The following LARP4 variants were observed in gnomAD, a reference collection of about 807,000 sequenced individuals.
LARP4 encodes the protein la-related protein 4.
LARP4 carries 29 observed loss-of-function variants against 92.9 expected under a neutral mutation model. That is an observed-to-expected ratio of 0.31 (90% CI 0.23 to 0.43). The LOEUF (loss-of-function observed/expected upper bound fraction) is 0.43, where lower values mean the gene tolerates loss of function less well. Ranked by LOEUF, LARP4 falls within the 20% of genes least tolerant of loss-of-function variation. The pLI, the probability that LARP4 is intolerant of heterozygous loss-of-function variation, is 1.00. For synonymous variants in LARP4, 279 were observed against 284.1 expected (o/e 0.98, Z 0.18); for missense variants, 732 against 860.0 (o/e 0.85, Z 1.86).
intron 3 of LARP4, among the ~76,000 whole-genome samples, 158 bp downstream of exon 3, chr12:50,429,248 C>G (rs1283329232): frequency 6.6e-6 from 1 of 152,084 alleles, no homozygotes; most frequent in Non-Finnish European, 1.5e-5. Flanking sequence ...ACATTGTTTT[C>G]AGATAACATG....
At chr12:50,465,371 CAAAAA>C (rs368980753) in intron 12 of LARP4, among the ~76,000 whole-genome samples, 1 of 112,368 alleles carries the variant, frequency 8.9e-6, no homozygotes, top group Non-Finnish European at 1.7e-5. Context: ...GACTCTGTCT[CAAAAA>C]AAAAAAAAAA....
rs527299254 is a variant in LARP4, at chr12:50,404,318, C to T, written c.18+3290C>T. Among the ~76,000 whole-genome samples the T allele has an allele frequency of 2.3e-3, 349 of 152,298 alleles. 5 individuals carry two copies. Among genetic ancestry groups the T allele is most frequent in the African/African-American group, 7.8e-3 (326 of 41,564 alleles). ...AGCTTGTATTAGAACTCATCAACCA[C>T]CTACTTGTATTGGAGTAGAATATAT... On this transcript the variant is annotated intron_variant, in intron 1 of 15. Transcript: ENST00000398473.
intron 1 of LARP4, among the ~76,000 whole-genome samples, chr12:50,405,735 G>T (rs890060217): frequency 2.6e-5 from 4 of 152,224 alleles, no homozygotes; most frequent in East Asian, 1.9e-4. Flanking sequence ...GTCTCTGTTT[G>T]AGTTTTTCCC....
chr12:50,475,339 T>A (rs1382599613), intron 15 of LARP4, among the ~76,000 whole-genome samples, 187 bp from the exon 16 acceptor site: 1 of 152,184 alleles, frequency 6.6e-6, no homozygotes, highest in Admixed American at 6.5e-5. Context: ...GTTAAATTCC[T>A]TACGTGAAAT....
At chr12:50,420,369 G>A (rs1947528810) in intron 1 of LARP4, among the ~76,000 whole-genome samples, 1 of 152,290 alleles carries the variant, frequency 6.6e-6, no homozygotes, top group East Asian at 1.9e-4. Flanking sequence ...ATGATGACAA[G>A]GTAGCATATA....
intron 1 of LARP4, among the ~76,000 whole-genome samples, chr12:50,419,092 G>C (rs1947318170): frequency 6.6e-6 from 1 of 152,140 alleles, no homozygotes. Context: ...TGGGCATGGT[G>C]GTTCATGCCT....
chr12:50,449,615 A>G (rs940859744), intron 8 of LARP4, among the ~76,000 whole-genome samples: 15 of 152,192 alleles, frequency 9.9e-5, no homozygotes, highest in Admixed American at 7.9e-4. Context: ...TACAAAAGCT[A>G]GCTGCTATGC....
At chr12:50,462,216 C>T (rs1955496191) in intron 11 of LARP4, among the ~76,000 whole-genome samples, 1 of 152,108 alleles carries the variant, frequency 6.6e-6, no homozygotes, top group African/African-American at 2.4e-5. Flanking sequence ...GGCATGGTGG[C>T]TCACGCCTGT....
At position 50,428,915 on chromosome 12, in the gene LARP4, A is replaced by T. The variant is rs780184169; in HGVS notation, c.167-20A>T. On this transcript the variant is annotated intron_variant, in intron 2 of 15. Transcript: ENST00000398473. Reference sequence around the variant, plus strand: ...ATTTAAATAATTCCCATTTACTTTCAGTGTCTGTCTTTAATACAGGTAATG... The same window carrying T: ...ATTTAAATAATTCCCATTTACTTTCTGTGTCTGTCTTTAATACAGGTAATG... 5 of 1,530,256 alleles carry T rather than the reference A, an allele frequency of 3.3e-6. No individual in the cohort carries two copies. The highest frequency in any genetic ancestry group is 2.2e-5 in the Admixed American group (1 of 46,076). 94.8% of individuals were successfully genotyped at this position (1,530,256 alleles called of 1,614,324 possible). A position where few individuals can be genotyped will look rare whatever the true frequency, so the allele number is the denominator to read the frequency against.
At chr12:50,441,116 C>G (rs1189689088) in intron 7 of LARP4, among the ~76,000 whole-genome samples, 1 of 152,086 alleles carries the variant, frequency 6.6e-6, no homozygotes, top group Admixed American at 6.6e-5. Flanking sequence ...AACTCCTGAC[C>G]TCGTGATTCG....
At chr12:50,408,427 C>T (rs1471274350) in intron 1 of LARP4, among the ~76,000 whole-genome samples, 1 of 151,966 alleles carries the variant, frequency 6.6e-6, no homozygotes, top group East Asian at 1.9e-4. Flanking sequence ...GAACTCCCAA[C>T]CTCAGGTGAT....
intron 4 of LARP4, among the ~76,000 whole-genome samples, chr12:50,433,898 C>G (rs1950049471): frequency 6.6e-6 from 1 of 152,240 alleles, no homozygotes; most frequent in South Asian, 2.1e-4. Flanking sequence ...CCTTTGCCTC[C>G]CAAAGTGCTG....
intron 1 of LARP4, 33 bp downstream of exon 1, chr12:50,401,061 TAGG>T (rs1943716560): frequency 1.2e-6 from 2 of 1,610,598 alleles, no homozygotes; most frequent in Non-Finnish European, 1.7e-6. Flanking sequence ...GTCCTGCTCT[TAGG>T]AGAGCAGGAG....
In LARP4 at chr12:50,402,718, AAAAGT is replaced by A. The variant is rs1351159535; in HGVS notation, c.18+1697_18+1701del. 2.2e-4 allele frequency: 100 copies of A among 450,192 alleles called. 2 individuals carry two copies. Among genetic ancestry groups the A allele is most frequent in the Admixed American group, 8.6e-4 (35 of 40,934 alleles). The allele number at this position is 450,192 out of a possible 1,614,324, so 27.9% of individuals were successfully genotyped here. A position where few individuals can be genotyped will look rare whatever the true frequency, so the allele number is the denominator to read the frequency against. On this transcript the variant is annotated intron_variant, in intron 1 of 15. Transcript: ENST00000398473. ...AGAGGTTAAAGTAACTTTACTTAGTAAAAGTAAAGTAGTTTAACTGGGATTTAGAT... is the reference window on the plus strand; with the variant it reads ...AGAGGTTAAAGTAACTTTACTTAGTAAAAGTAGTTTAACTGGGATTTAGAT...
intron 8 of LARP4, among the ~76,000 whole-genome samples, chr12:50,446,897 T>G (rs1480865758): frequency 6.6e-6 from 1 of 152,124 alleles, no homozygotes; most frequent in Non-Finnish European, 1.5e-5. Context: ...CATAATTGAT[T>G]TCTTATTGTT....
chr12:50,430,249 A>G (rs955321884), intron 3 of LARP4, among the ~76,000 whole-genome samples: 1 of 152,138 alleles, frequency 6.6e-6, no homozygotes, highest in South Asian at 2.1e-4. Context: ...TTGTGGTCCT[A>G]GCTACTCAAG....
chr12:50,423,375 T>C (rs1170169834), intron 1 of LARP4, among the ~76,000 whole-genome samples: 2 of 152,222 alleles, frequency 1.3e-5, no homozygotes, highest in Admixed American at 6.5e-5. Flanking sequence ...TCGGTGTTTG[T>C]GTAGTATACT....
intron 10 of LARP4, 170 bp downstream of exon 10, chr12:50,454,587 C>CT: frequency 2.2e-6 from 1 of 458,628 alleles, no homozygotes; most frequent in South Asian, 5.8e-5. Flanking sequence ...CGTAAAAACA[C>CT]TTTGACCTTT....
rs893230098 is a variant in LARP4 at position 50,475,873 on chromosome 12, A to G, written c.*9A>G. The G allele has an allele frequency of 1.9e-6, 3 of 1,606,246 alleles. No homozygotes were observed. Among genetic ancestry groups the G allele is most frequent in the African/African-American group, 2.7e-5 (2 of 74,556 alleles). ...CCAGATCACCAAAGTAAAAAACAAC[A>G]AAACTATTCAAAAACTTCACTCTCT... On this transcript the variant is annotated 3_prime_UTR_variant, in exon 16 of 16. Coordinates refer to ENST00000398473, the MANE Select transcript of LARP4 (RefSeq NM_052879.5).
Sources: gnomAD v4.1 joint callset for allele counts (sites outside exome capture counted in the v4.1 genomes callset) on GRCh38, gnomAD v4.1.1 for gene constraint, MANE v1.5 for transcripts, NCBI Gene and HGNC (gene_info 2026-07-23, HGNC 2026-07-21) for gene names.